Variants in SLC35F1 observed in about 807,000 individuals in gnomAD.
SLC35F1 encodes the protein chromosome 6 open reading frame 169.
SLC35F1 carries 14 observed loss-of-function variants against 48.7 expected under a neutral mutation model. That is an observed-to-expected ratio of 0.29 (90% CI 0.19 to 0.45). SLC35F1 has a LOEUF of 0.45. Among genes scored for constraint, SLC35F1 ranks in the 20% least tolerant of loss-of-function variants. SLC35F1 has a pLI of 1.00. For synonymous variants in SLC35F1, 190 were observed against 202.2 expected (o/e 0.94, Z 0.51); for missense variants, 404 against 500.0 (o/e 0.81, Z 1.83).
intron 1 of SLC35F1, among the ~76,000 whole-genome samples, chr6:117,959,774 A>G (rs1459077555): frequency 6.6e-6 from 1 of 152,048 alleles, no homozygotes; most frequent in East Asian, 1.9e-4. Context: ...ATATAAATGC[A>G]TAAAGAATGC....
chr6:118,104,122 CCTTTCCCTTT>C (rs1408978429), intron 1 of SLC35F1, among the ~76,000 whole-genome samples: 2 of 151,438 alleles, frequency 1.3e-5, no homozygotes, highest in African/African-American at 4.9e-5. Context: ...CCCTTCCCTT[CCTTTCCCTTT>C]CCTTCCCTTC....
intron 1 of SLC35F1, among the ~76,000 whole-genome samples, chr6:118,069,503 G>A (rs1422206218): frequency 6.6e-6 from 1 of 152,054 alleles, no homozygotes; most frequent in Non-Finnish European, 1.5e-5. Context: ...CTAAAGATAA[G>A]ATGTTCTACT....
chr6:117,944,923 G>T (rs1776277414), intron 1 of SLC35F1, among the ~76,000 whole-genome samples: 1 of 152,128 alleles, frequency 6.6e-6, no homozygotes, highest in African/African-American at 2.4e-5. Flanking sequence ...GGTACAGCAG[G>T]CTTAGGGGGC....
chr6:118,047,143 G>A (rs192171806), intron 1 of SLC35F1, among the ~76,000 whole-genome samples: 57 of 152,254 alleles, frequency 3.7e-4, no homozygotes, highest in African/African-American at 1.2e-3. Flanking sequence ...AGAAAACTCT[G>A]TTTTGGTTAC....
intron 1 of SLC35F1, among the ~76,000 whole-genome samples, chr6:118,092,146 C>T (rs1773082777): frequency 6.6e-6 from 1 of 152,178 alleles, no homozygotes; most frequent in South Asian, 2.1e-4. Flanking sequence ...ATGTTAATCA[C>T]CAAGACAGTG....
intron 2 of SLC35F1, among the ~76,000 whole-genome samples, chr6:118,191,873 T>G (rs1331263235): frequency 2.0e-5 from 3 of 152,174 alleles, no homozygotes; most frequent in Non-Finnish European, 4.4e-5. Flanking sequence ...TACTTGAGGC[T>G]TTGATTGTTT....
Position 118,235,568 on chromosome 6 carries a change from C to A in SLC35F1, c.409C>A (p.Leu137Ile). 6.2e-7 allele frequency: 1 copy of A among 1,613,520 alleles called. No homozygotes were observed. The highest frequency in any genetic ancestry group is 2.2e-5 in the East Asian group (1 of 44,786). Residue 137 changes from leucine to isoleucine, a missense_variant, in exon 3 of 8, where the codon CTC becomes ATC. Coordinates refer to ENST00000360388, the MANE Select transcript of SLC35F1 (RefSeq NM_001029858.4). Reference protein sequence around the residue: ...RRWWKYMILGLIDLEANYLVV... With the variant: ...RRWWKYMILGIIDLEANYLVV... ...ATGGTGGAAGTACATGATTTTGGGA[C>A]TCATAGACCTGGAAGCAAATTATCT... is the stretch of plus-strand genomic sequence containing the variant.
chr6:118,233,847 TGCTTGAAG>T (rs1367245141), intron 2 of SLC35F1, among the ~76,000 whole-genome samples: 2 of 152,224 alleles, frequency 1.3e-5, no homozygotes, highest in Non-Finnish European at 2.9e-5. Flanking sequence ...ACTTTGTGCA[TGCTTGAAG>T]GCTTGAAGGC....
chr6:118,212,239 A>G (rs1434730117), intron 2 of SLC35F1, among the ~76,000 whole-genome samples: 2 of 152,198 alleles, frequency 1.3e-5, no homozygotes. Flanking sequence ...CTTGCATCTT[A>G]AAAAGACTGT....
intron 6 of SLC35F1, among the ~76,000 whole-genome samples, chr6:118,279,496 T>C (rs1775956363): frequency 6.6e-6 from 1 of 152,176 alleles, no homozygotes; most frequent in Non-Finnish European, 1.5e-5. Context: ...AGTGAGCAAA[T>C]GAATGAATGG....
intron 2 of SLC35F1, among the ~76,000 whole-genome samples, chr6:118,214,025 A>G (rs995625926): frequency 2.6e-5 from 4 of 152,226 alleles, no homozygotes; most frequent in African/African-American, 9.6e-5. Flanking sequence ...CTACATTGGT[A>G]TAGCCAATTA....
chr6:117,950,700 TGATA>T (rs1334731166), intron 1 of SLC35F1, among the ~76,000 whole-genome samples: 3 of 152,208 alleles, frequency 2.0e-5, no homozygotes, highest in Non-Finnish European at 4.4e-5. Flanking sequence ...AAAATTAAGA[TGATA>T]GATATAGAGA....
At chr6:117,978,272 A>G (rs981818103) in intron 1 of SLC35F1, among the ~76,000 whole-genome samples, 12 of 152,124 alleles carry the variant, frequency 7.9e-5, no homozygotes, top group African/African-American at 2.9e-4. Flanking sequence ...CCTATGGAAA[A>G]TAACTCTTCC....
intron 1 of SLC35F1, among the ~76,000 whole-genome samples, chr6:118,058,219 G>A (rs761279386): frequency 6.6e-6 from 1 of 152,094 alleles, no homozygotes; most frequent in African/African-American, 2.4e-5. Context: ...TTTTTTAAGC[G>A]ACTATGGTAA....
chr6:117,926,452 C>G (rs1776029678), intron 1 of SLC35F1, among the ~76,000 whole-genome samples: 1 of 152,008 alleles, frequency 6.6e-6, no homozygotes, highest in Admixed American at 6.6e-5. Context: ...CACAGCTATG[C>G]TGACAACTAG....
At chr6:118,280,688 G>A (rs1265197271) in intron 6 of SLC35F1, among the ~76,000 whole-genome samples, 1 of 151,972 alleles carries the variant, frequency 6.6e-6, no homozygotes, top group Non-Finnish European at 1.5e-5. Context: ...GACCAGCCTG[G>A]CCAACATGGT....
chr6:118,035,835 C>T (rs1256301424), intron 1 of SLC35F1, among the ~76,000 whole-genome samples: 1 of 1,238 alleles, frequency 8.1e-4, no homozygotes, highest in Non-Finnish European at 2.5e-3. Context: ...ACTACAGGCG[C>T]CCCCCCAACC....
chr6:118,275,659 A>T (rs1043281639), intron 5 of SLC35F1, 44 bp downstream of exon 5: 2 of 1,581,252 alleles, frequency 1.3e-6, no homozygotes, highest in Non-Finnish European at 1.7e-6. Context: ...AGGGACTGTC[A>T]AGACTTATTC....
At position 117,950,199 on chromosome 6, in the gene SLC35F1, C is replaced by T. The variant is rs566292729; in HGVS notation, c.173+42300C>T. On this transcript the variant is annotated intron_variant, in intron 1 of 7. Transcript: ENST00000360388. ...GATCTTTCACATTCTTTCCTAGCAA[C>T]GAGTTTGACTCTAAGTGGCAATAAG... Among the ~76,000 whole-genome samples the T allele has an allele frequency of 2.0e-4, 30 of 152,240 alleles. 1 individual carries two copies. The South Asian group carries it at 4.1e-3, about 21-fold the overall frequency.
Sources: allele counts gnomAD v4.1 joint callset (sites outside exome capture counted in the v4.1 genomes callset), GRCh38; gene constraint gnomAD v4.1.1; transcripts MANE v1.5; gene names NCBI Gene and HGNC (gene_info 2026-07-23, HGNC 2026-07-21).